Variants in MSH6 observed in about 807,000 individuals in gnomAD.
MSH6 encodes mutS homolog 6, also known as DNA mismatch repair protein Msh6.
In MSH6, 85 loss-of-function variants were observed where a neutral mutation model predicts 119.1. The ratio of observed to expected loss-of-function variants is 0.71; its 90% CI spans 0.60 to 0.85. The LOEUF (loss-of-function observed/expected upper bound fraction) is 0.85. Ranked by LOEUF, MSH6 falls within the 40% of genes least tolerant of loss-of-function variation. The pLI, the probability that MSH6 is intolerant of heterozygous loss-of-function variation, is 0.00. For missense variants in MSH6, 2,163 were observed against 1,655.3 expected (o/e 1.31, Z -5.32); for synonymous variants, 830 against 586.9 (o/e 1.41, Z -5.99).
intron 1 of MSH6, among the ~76,000 whole-genome samples, chr2:47,788,242 CTTTCTTTTTTTT>C (rs1668460999): frequency 4.6e-5 from 5 of 108,658 alleles, no homozygotes; most frequent in Admixed American, 9.9e-5. Context: ...TTCATTCTTT[CTTTCTTTTTTTT>C]TTTTTTTTTT....
chr2:47,807,143 A>G, downstream of MSH6: 1 of 406,878 alleles, frequency 2.5e-6, no homozygotes, highest in Non-Finnish European at 4.4e-6. Context: ...GAAACTGTAT[A>G]GGGCTGTATA....
At chr2:47,788,934 T>TTTTTTTTTTTTTTTG (rs1668554089) in intron 1 of MSH6, among the ~76,000 whole-genome samples, 9 of 99,650 alleles carry the variant, frequency 9.0e-5, no homozygotes, top group Non-Finnish European at 1.6e-4. Context: ...TTTTTTTTTT[T>TTTTTTTTTTTTTTTG]TTTTTTTTTT....
chr2:47,807,254 G>GTT (rs3136370), downstream of MSH6: 124 of 228,124 alleles, frequency 5.4e-4, no homozygotes, highest in African/African-American at 2.7e-3. Context: ...ATACAGGACT[G>GTT]TTTGTTTTGA....
Position 47,798,952 on chromosome 2 carries a change from C to G in MSH6, c.969C>G (p.Thr323=), listed in dbSNP as rs903038441. The G allele has an allele frequency of 1.2e-6, 2 of 1,614,060 alleles. No individual in the cohort carries two copies. Among genetic ancestry groups the G allele is most frequent in the African/African-American group, 1.3e-5 (1 of 74,928 alleles). Residue 323 remains threonine, a synonymous_variant, in exon 4 of 10, where the codon ACC becomes ACG. Transcript: ENST00000234420. ...CTAGGAAGGAAACGCCCTCAGCCAC[C>G]AAACAAGCAACTAGCATTTCATCAG... ...KSSRKETPSA[T]KQATSISSET...
At position 47,806,913 on chromosome 2, in the gene MSH6, GACA is replaced by G. The variant is rs1247177755; in HGVS notation, c.*57_*59del. Reference sequence around the variant, plus strand: ...ACTTCTGACAAAGGTGGTAAATTCAGACAACATTATGATCTAATAAACTTTATT... The same window carrying G: ...ACTTCTGACAAAGGTGGTAAATTCAGACATTATGATCTAATAAACTTTATT... On this transcript the variant is annotated 3_prime_UTR_variant, in exon 10 of 10. Transcript: ENST00000234420. 3 of 1,301,000 alleles carry G rather than the reference GACA, an allele frequency of 2.3e-6. No individual in the cohort carries two copies. Among genetic ancestry groups the G allele is most frequent in the Non-Finnish European group, 3.3e-6 (3 of 897,608 alleles). The allele number at this position is 1,301,000 out of a possible 1,614,324, so 80.6% of individuals were successfully genotyped here. A position where few individuals can be genotyped will look rare whatever the true frequency, so the allele number is the denominator to read the frequency against.
At chr2:47,807,991 G>A (rs1181016695), downstream of MSH6, 4 of 836,154 alleles carry the variant, frequency 4.8e-6, no homozygotes, top group South Asian at 1.7e-5. Context: ...AGTGTCAACT[G>A]ACCTTGTGTA....
At chr2:47,788,512 C>G (rs1668485521) in intron 1 of MSH6, among the ~76,000 whole-genome samples, 1 of 149,886 alleles carries the variant, frequency 6.7e-6, no homozygotes, top group Non-Finnish European at 1.5e-5. Context: ...CTTGGCCTTT[C>G]AAAGTGCTGG....
At chr2:47,784,706 A>C (rs954905093) in intron 1 of MSH6, 38 of 151,674 alleles carry the variant, frequency 2.5e-4, no homozygotes, top group Admixed American at 2.5e-3. Flanking sequence ...CAGGTGATCC[A>C]CCCGCCTCGG....
At chr2:47,793,919 T>C (rs111525547) in intron 2 of MSH6, among the ~76,000 whole-genome samples, 8 of 151,880 alleles carry the variant, frequency 5.3e-5, no homozygotes, top group African/African-American at 1.4e-4. Context: ...TTCAGTAGAG[T>C]TGAGGTTTCA....
At chr2:47,797,305 A>G (rs984857250) in intron 3 of MSH6, among the ~76,000 whole-genome samples, 2 of 152,224 alleles carry the variant, frequency 1.3e-5, no homozygotes, top group Admixed American at 1.3e-4. Context: ...TTTTCAATAG[A>G]TAAGATAGGG....
chr2:47,800,959 A>G lies in MSH6; in HGVS notation c.2976A>G (p.Glu992=), dbSNP rs761938225. The G allele has an allele frequency of 6.4e-7, 1 of 1,566,210 alleles. No homozygotes were observed. The highest frequency in any genetic ancestry group is 2.2e-5 in the East Asian group (1 of 44,518). The change falls in exon 4 of 10, where the codon GAA becomes GAG. Residue 992 remains glutamate (E), a synonymous_variant. Coordinates refer to ENST00000234420, the MANE Select transcript of MSH6 (RefSeq NM_000179.3). The part of the protein sequence containing the change: ...PENFTTRNLP[E]EYELKSTKKG... Reference sequence around the variant, plus strand: ...ATTTCACCACTCGCAATTTGCCAGAAGAATACGAGTTGAAATCTACCAAGA... The same window carrying G: ...ATTTCACCACTCGCAATTTGCCAGAGGAATACGAGTTGAAATCTACCAAGA...
chr2:47,787,084 G>A (rs1035446128), intron 1 of MSH6, among the ~76,000 whole-genome samples: 1 of 152,178 alleles, frequency 6.6e-6, no homozygotes, highest in Admixed American at 6.5e-5. Context: ...CCAACACTTT[G>A]GGAGGCCAAG....
chr2:47,802,018 G>A (rs1026283251), intron 4 of MSH6, among the ~76,000 whole-genome samples: 1 of 152,202 alleles, frequency 6.6e-6, no homozygotes, highest in Non-Finnish European at 1.5e-5. Context: ...TCAATAAAAA[G>A]TTGAGCTTTT....
chr2:47,806,502 G>A lies in MSH6; in HGVS notation c.3852G>A (p.Thr1284=), dbSNP rs2229018. 90 of 1,613,856 alleles carry A rather than the reference G, an allele frequency of 5.6e-5. No individual in the cohort carries two copies. The highest frequency in any genetic ancestry group is 3.3e-4 in the Middle Eastern group (2 of 6,084). Residue 1284 remains threonine (T), a synonymous_variant, in exon 9 of 10, where the codon ACG becomes ACA. Coordinates refer to ENST00000234420, the MANE Select transcript of MSH6 (RefSeq NM_000179.3). ...AAGACCCCAGCCAGGAGACTATTACGTTCCTCTATAAATTCATTAAGGGAG... is the reference window on the plus strand; with the variant it reads ...AAGACCCCAGCCAGGAGACTATTACATTCCTCTATAAATTCATTAAGGGAG... ...ECEDPSQETI[T]FLYKFIKGAC... is the part of the protein sequence containing the mutation.
chr2:47,788,914 TTTTTTTTG>T (rs1243604013), intron 1 of MSH6, among the ~76,000 whole-genome samples: 912 of 56,658 alleles, frequency 0.016, 47 homozygotes, highest in Non-Finnish European at 0.023. Flanking sequence ...TTCCTTTTTT[TTTTTTTTG>T]TTTTTTTTTT....
At chr2:47,783,674 G>T in intron 1 of MSH6, 181 bp downstream of exon 1, 1 of 600,214 alleles carries the variant, frequency 1.7e-6, no homozygotes, top group Middle Eastern at 4.7e-4. Flanking sequence ...ATTTGGGGGT[G>T]TAGCTTGTAA....
rs200886043 is a variant in MSH6, at chr2:47,794,832, T to C, written c.458-1062T>C. Among the ~76,000 whole-genome samples the C allele has an allele frequency of 8.6e-4, 131 of 152,290 alleles. 4 individuals are homozygous for C. In the East Asian group the frequency reaches 0.023, roughly 27 times the overall value. On this transcript the variant is annotated intron_variant, in intron 2 of 9. Transcript: ENST00000234420. Reference sequence around the variant, plus strand: ...TTTTTTGAGATGGAGTCTTGCTCTGTCGCCCAGGCTGAAGTGCAGTGGTGC... The same window carrying C: ...TTTTTTGAGATGGAGTCTTGCTCTGCCGCCCAGGCTGAAGTGCAGTGGTGC...
Position 47,803,500 on chromosome 2 carries a change from A to AC in MSH6, c.3261dup (p.Phe1088LeufsTer5), listed in dbSNP as rs267608078. Reference sequence around the variant, plus strand: ...CCCAGTAATTCTGTTGCCGGAAGATACCCCCCCCTTCTTAGAGCTTAAAGG... The same window carrying AC: ...CCCAGTAATTCTGTTGCCGGAAGATACCCCCCCCCTTCTTAGAGCTTAAAGG... On this transcript the variant is annotated frameshift_variant, in exon 5 of 10. Transcript: ENST00000234420. LOFTEE classifies it high-confidence loss of function. 5.7e-5 allele frequency: 91 copies of AC among 1,610,042 alleles called. No individual in the cohort carries two copies. The highest frequency in any genetic ancestry group is 5.3e-5 in the Non-Finnish European group (63 of 1,178,232).
chr2:47,806,404 G>T (rs2104548790), intron 8 of MSH6, 46 bp downstream of exon 8: 1 of 1,612,348 alleles, frequency 6.2e-7, no homozygotes, highest in South Asian at 1.1e-5. Context: ...TTTTGAGAGG[G>T]CACTTCTCTT....
Sources: gnomAD v4.1 joint callset for allele counts (sites outside exome capture counted in the v4.1 genomes callset) on GRCh38, gnomAD v4.1.1 for gene constraint, MANE v1.5 for transcripts, NCBI Gene and HGNC (gene_info 2026-07-23, HGNC 2026-07-21) for gene names.